RARB: variants seen among roughly 807,000 people sequenced by gnomAD.
The protein encoded by RARB is retinoic acid receptor beta.
In RARB, 17 loss-of-function variants were observed where a neutral mutation model predicts 51.9. That is an observed-to-expected ratio of 0.33 (90% CI 0.22 to 0.49). The LOEUF (loss-of-function observed/expected upper bound fraction) is 0.49. Ranked by LOEUF, RARB falls within the 20% of genes least tolerant of loss-of-function variation. The probability of loss-of-function intolerance (pLI) is 0.99; values close to 1 mark genes in which losing one functional copy is unlikely to be tolerated. For missense variants in RARB, 369 were observed against 550.8 expected (o/e 0.67, Z 3.30); for synonymous variants, 215 against 195.4 (o/e 1.10, Z -0.84).
At chr3:25,091,514 A>G (rs568828055) in intron 3 of RARB, among the ~76,000 whole-genome samples, 1 of 152,214 alleles carries the variant, frequency 6.6e-6, no homozygotes, top group East Asian at 1.9e-4. Context: ...TACGGAATCC[A>G]CCATCTGTTT....
At chr3:25,527,094 A>T (rs985039234) in intron 3 of RARB, among the ~76,000 whole-genome samples, 3 of 152,342 alleles carry the variant, frequency 2.0e-5, no homozygotes, top group Admixed American at 6.5e-5. Context: ...TACACCAGTC[A>T]TCTGGGGATC....
intron 5 of RARB, among the ~76,000 whole-genome samples, chr3:25,336,255 C>T (rs540449431): frequency 4.6e-5 from 7 of 152,252 alleles, no homozygotes; most frequent in African/African-American, 1.4e-4. Flanking sequence ...TTCTTTCTTA[C>T]ACCTTTTCTT....
At chr3:25,124,373 A>G (rs975719972) in intron 3 of RARB, among the ~76,000 whole-genome samples, 1 of 152,226 alleles carries the variant, frequency 6.6e-6, no homozygotes, top group Admixed American at 6.5e-5. Flanking sequence ...GACTGTCTCA[A>G]AAAGAAAGAA....
At chr3:25,235,149 G>A (rs527477096) in intron 5 of RARB, among the ~76,000 whole-genome samples, 1 of 152,224 alleles carries the variant, frequency 6.6e-6, no homozygotes, top group Non-Finnish European at 1.5e-5. Flanking sequence ...AAACTTAGTG[G>A]TTCTGGCCAT....
rs10523484 is a variant in RARB at position 25,338,096 on chromosome 3, A to AACAC, written c.179-123061_179-123058dup. Among the ~76,000 whole-genome samples the AACAC allele has an allele frequency of 3.6e-3, 512 of 144,044 alleles. 1 individual carries two copies. The highest frequency in any genetic ancestry group is 5.8e-3 in the African/African-American group (227 of 38,836). The allele number at this position is 144,044 out of a possible 152,430, so 94.5% of individuals were successfully genotyped here. ...GTATGTCACCCCCCTCCAAACCCCCAACACACACACACACACACACACACA... is the reference window on the plus strand; with the variant it reads ...GTATGTCACCCCCCTCCAAACCCCCAACACACACACACACACACACACACACACA... On this transcript the variant is annotated intron_variant, in intron 5 of 11. Coordinates refer to the RARB transcript ENST00000383772.
At chr3:25,144,806 G>A (rs537162485) in intron 4 of RARB, among the ~76,000 whole-genome samples, 52 of 152,280 alleles carry the variant, frequency 3.4e-4, no homozygotes, top group Non-Finnish European at 6.5e-4. Flanking sequence ...CGTATACCTC[G>A]AGGCTATATG....
At chr3:25,264,837 A>G (rs946147798) in intron 5 of RARB, among the ~76,000 whole-genome samples, 2 of 152,186 alleles carry the variant, frequency 1.3e-5, no homozygotes, top group East Asian at 3.9e-4. Flanking sequence ...TCAGTGAAGA[A>G]TTTGTACTCC....
intron 5 of RARB, among the ~76,000 whole-genome samples, chr3:25,378,498 A>G (rs929089311): frequency 6.6e-6 from 1 of 152,212 alleles, no homozygotes; most frequent in South Asian, 2.1e-4. Context: ...AAAAAAATCT[A>G]TTCTATTTAA....
At chr3:25,080,111 C>G (rs551707284) in intron 3 of RARB, among the ~76,000 whole-genome samples, 1 of 152,326 alleles carries the variant, frequency 6.6e-6, no homozygotes, top group South Asian at 2.1e-4. Flanking sequence ...CTCCCTCAGA[C>G]TTTGCCAGCC....
At chr3:25,567,309 C>G (rs1216806377) in intron 3 of RARB, among the ~76,000 whole-genome samples, 1 of 152,186 alleles carries the variant, frequency 6.6e-6, no homozygotes, top group Admixed American at 6.5e-5. Flanking sequence ...TCCTCCCTCC[C>G]CACCAACTTG....
rs145392617 is a variant in RARB at position 24,904,158 on chromosome 3, C to A, written c.-380+45406C>A. ...TCACCAACCAGGGTCTACAGTTGAG[C>A]GAGTTCTTTAACTTCCAACTGTCTT... On this transcript the variant is annotated intron_variant, in intron 2 of 11. Coordinates refer to the RARB transcript ENST00000383772. Among the ~76,000 whole-genome samples, 3 of 152,236 alleles carry A rather than the reference C, an allele frequency of 2.0e-5. No homozygotes were observed. In the East Asian group the frequency reaches 5.8e-4, roughly 29 times the overall value.
intron 3 of RARB, among the ~76,000 whole-genome samples, chr3:25,501,891 T>A (rs1297650618): frequency 6.6e-6 from 1 of 152,170 alleles, no homozygotes; most frequent in Non-Finnish European, 1.5e-5. Flanking sequence ...AAAAATACAT[T>A]AAAAATTGGC....
chr3:25,260,097 C>T lies in RARB; in HGVS notation c.178+85522C>T, dbSNP rs2125406288. 3 of 712,630 alleles carry T rather than the reference C, an allele frequency of 4.2e-6. No individual in the cohort carries two copies. In the South Asian group the frequency reaches 1.9e-4, roughly 45 times the overall value. 44.1% of individuals were successfully genotyped at this position (712,630 alleles called of 1,614,324 possible). On this transcript the variant is annotated intron_variant, in intron 5 of 11. Transcript: ENST00000383772. Reference sequence around the variant, plus strand: ...GGCACAAGGCCCAGATGAGTTTCAGCTTTGTTTGTTGTTTGTACTGACTCT... The same window carrying T: ...GGCACAAGGCCCAGATGAGTTTCAGTTTTGTTTGTTGTTTGTACTGACTCT...
At chr3:25,551,375 G>A (rs1053894735) in intron 3 of RARB, among the ~76,000 whole-genome samples, 1 of 152,204 alleles carries the variant, frequency 6.6e-6, no homozygotes, top group African/African-American at 2.4e-5. Context: ...CAAAGAGGGA[G>A]TGAGTTTGAG....
intron 2 of RARB, among the ~76,000 whole-genome samples, chr3:25,475,839 A>C (rs1258862417): frequency 6.6e-6 from 1 of 152,172 alleles, no homozygotes; most frequent in Non-Finnish European, 1.5e-5. Flanking sequence ...TCTTCCATTC[A>C]CAGTTGAGGC....
chr3:25,389,126 G>A (rs1706875909), intron 5 of RARB, among the ~76,000 whole-genome samples: 1 of 152,176 alleles, frequency 6.6e-6, no homozygotes, highest in Non-Finnish European at 1.5e-5. Flanking sequence ...CACATGCAGA[G>A]CCTGTGGAAG....
At chr3:25,037,427 C>T (rs1315512212) in intron 2 of RARB, among the ~76,000 whole-genome samples, 1 of 151,956 alleles carries the variant, frequency 6.6e-6, no homozygotes, top group East Asian at 1.9e-4. Context: ...GTGACTTTTC[C>T]CTGACTGTTT....
chr3:25,439,237 G>A (rs1356860241), intron 1 of RARB, among the ~76,000 whole-genome samples: 2 of 152,198 alleles, frequency 1.3e-5, no homozygotes, highest in Non-Finnish European at 2.9e-5. Context: ...AAAACTTTCT[G>A]ATAGTAAAGT....
intron 2 of RARB, among the ~76,000 whole-genome samples, chr3:24,939,740 A>G (rs1695620090): frequency 2.0e-5 from 3 of 152,194 alleles, no homozygotes; most frequent in Non-Finnish European, 2.9e-5. Context: ...AAAACTAACA[A>G]TTACACTCTT....
Sources: allele counts gnomAD v4.1 joint callset (sites outside exome capture counted in the v4.1 genomes callset), GRCh38; gene constraint gnomAD v4.1.1; transcripts MANE v1.5; gene names NCBI Gene and HGNC (gene_info 2026-07-23, HGNC 2026-07-21).